The following SLC24A3 variants were observed in gnomAD, a reference collection of about 807,000 sequenced individuals.
SLC24A3 encodes sodium/potassium/calcium exchanger 3.
Under a neutral mutation model 75.8 loss-of-function variants are expected in SLC24A3, and 28 were observed. The ratio of observed to expected loss-of-function variants is 0.37; its 90% CI spans 0.27 to 0.51. The LOEUF (loss-of-function observed/expected upper bound fraction) is 0.51. Ranked by LOEUF, SLC24A3 falls within the 20% of genes least tolerant of loss-of-function variation. The pLI, the probability that SLC24A3 is intolerant of heterozygous loss-of-function variation, is 0.94. For synonymous variants in SLC24A3, 372 were observed against 334.1 expected (o/e 1.11, Z -1.24); for missense variants, 663 against 847.8 (o/e 0.78, Z 2.71).
intron 2 of SLC24A3, among the ~76,000 whole-genome samples, chr20:19,446,750 AC>A (rs1440027868): frequency 6.6e-6 from 1 of 152,228 alleles, no homozygotes; most frequent in Non-Finnish European, 1.5e-5. Flanking sequence ...ATTTAGAGTG[AC>A]TTTTGGTGAG....
chr20:19,247,634 T>G (rs182545150), intron 1 of SLC24A3, among the ~76,000 whole-genome samples: 1 of 152,190 alleles, frequency 6.6e-6, no homozygotes, highest in Non-Finnish European at 1.5e-5. Context: ...ACATGTGCCT[T>G]AGGTATAAAT....
chr20:19,595,584 A>G (rs2031442009), intron 6 of SLC24A3, among the ~76,000 whole-genome samples: 2 of 152,228 alleles, frequency 1.3e-5, no homozygotes, highest in Admixed American at 6.5e-5. Context: ...AGACACAGTC[A>G]TGAAACCGAA....
intron 6 of SLC24A3, among the ~76,000 whole-genome samples, chr20:19,641,686 AC>A (rs1049802614): frequency 1.3e-5 from 2 of 152,142 alleles, no homozygotes; most frequent in African/African-American, 4.8e-5. Context: ...TGTTAGAATT[AC>A]TGGGGGGTAT....
At chr20:19,289,921 G>A (rs1369276678) in intron 2 of SLC24A3, among the ~76,000 whole-genome samples, 1 of 152,216 alleles carries the variant, frequency 6.6e-6, no homozygotes, top group African/African-American at 2.4e-5. Context: ...CAAGGACCAG[G>A]ACTCTAAGGT....
intron 2 of SLC24A3, among the ~76,000 whole-genome samples, chr20:19,422,706 A>G (rs986613777): frequency 1.3e-5 from 2 of 152,212 alleles, no homozygotes; most frequent in African/African-American, 4.8e-5. Context: ...GGTGTTTCCA[A>G]TGAGCAGCCA....
In SLC24A3 at chr20:19,333,944, G is replaced by A. The variant is rs112439603; in HGVS notation, c.271+52857G>A. 3.0e-3 allele frequency among the ~76,000 whole-genome samples: 456 copies of A among 152,024 alleles called. 3 individuals carry two copies. Among genetic ancestry groups the A allele is most frequent in the African/African-American group, 1.0e-2 (414 of 41,444 alleles). ...GTGAAAGAAGACAAGAAAAGACATG[G>A]TTGTGCATCCTGTGAGTATACTAAA... On this transcript the variant is annotated intron_variant, in intron 2 of 16. Transcript: ENST00000328041.
At chr20:19,648,753 A>T (rs2032166916) in intron 6 of SLC24A3, among the ~76,000 whole-genome samples, 1 of 152,340 alleles carries the variant, frequency 6.6e-6, no homozygotes, top group African/African-American at 2.4e-5. Context: ...AAAAGTGTGA[A>T]TTATTTTTTG....
At chr20:19,642,233 T>A (rs1432218179) in intron 6 of SLC24A3, among the ~76,000 whole-genome samples, 1 of 152,234 alleles carries the variant, frequency 6.6e-6, no homozygotes. Context: ...GGTCTGTTCT[T>A]CCCTAGGAAT....
intron 6 of SLC24A3, among the ~76,000 whole-genome samples, chr20:19,618,996 T>C (rs775261566): frequency 1.3e-5 from 2 of 152,116 alleles, no homozygotes; most frequent in African/African-American, 2.4e-5. Flanking sequence ...AGCCCAGAGC[T>C]CCAGCCAGCT....
rs116058243 is a variant in SLC24A3, at chr20:19,258,435, G to A, written c.143-22524G>A. 2.4e-3 allele frequency among the ~76,000 whole-genome samples: 371 copies of A among 152,356 alleles called. 1 individual carries two copies. Among genetic ancestry groups the A allele is most frequent in the African/African-American group, 8.2e-3 (343 of 41,588 alleles). ...TAAACTATAATGATGGTGGGGTGCC[G>A]TGGCTCACGCCTGTAATCCTAGCAC... On this transcript the variant is annotated intron_variant, in intron 1 of 16. Transcript: ENST00000328041.
At chr20:19,325,012 G>A (rs1336538578) in intron 2 of SLC24A3, among the ~76,000 whole-genome samples, 1 of 144,706 alleles carries the variant, frequency 6.9e-6, no homozygotes, top group Non-Finnish European at 1.5e-5. Context: ...ACGGTAGATG[G>A]TAGAGCCTTT....
At chr20:19,565,463 G>T (rs1364915235) in intron 3 of SLC24A3, among the ~76,000 whole-genome samples, 1 of 152,150 alleles carries the variant, frequency 6.6e-6, no homozygotes, top group Non-Finnish European at 1.5e-5. Flanking sequence ...AAGTCCAGCT[G>T]CTTTGCCTCA....
intron 1 of SLC24A3, among the ~76,000 whole-genome samples, chr20:19,223,292 C>T (rs935270994): frequency 5.7e-5 from 3 of 52,368 alleles, no homozygotes; most frequent in South Asian, 4.4e-4. Context: ...AGCTCTGTCT[C>T]GGGGTGGTGC....
chr20:19,600,845 G>A (rs2031518554), intron 6 of SLC24A3, among the ~76,000 whole-genome samples: 1 of 152,134 alleles, frequency 6.6e-6, no homozygotes, highest in African/African-American at 2.4e-5. Context: ...TGTTTTTGTA[G>A]TGACAGGGTC....
intron 3 of SLC24A3, among the ~76,000 whole-genome samples, chr20:19,578,403 A>T (rs2031172119): frequency 6.6e-6 from 1 of 151,910 alleles, no homozygotes; most frequent in South Asian, 2.1e-4. Context: ...CTGTGGGAGC[A>T]GCATTCTTCT....
intron 6 of SLC24A3, among the ~76,000 whole-genome samples, chr20:19,653,815 G>A (rs901795418): frequency 1.3e-5 from 2 of 152,172 alleles, no homozygotes; most frequent in South Asian, 2.1e-4. Context: ...CAGCTCCCCC[G>A]ATGCCCCATT....
At chr20:19,452,104 C>T (rs912007679) in intron 2 of SLC24A3, among the ~76,000 whole-genome samples, 2 of 152,254 alleles carry the variant, frequency 1.3e-5, no homozygotes, top group Non-Finnish European at 2.9e-5. Context: ...GGAAACGTTG[C>T]GTGTGATAGA....
intron 3 of SLC24A3, among the ~76,000 whole-genome samples, chr20:19,516,185 AC>A (rs2029984179): frequency 6.6e-6 from 1 of 152,088 alleles, no homozygotes; most frequent in South Asian, 2.1e-4. Context: ...CTTACTTTCC[AC>A]CACTGCCCAG....
intron 8 of SLC24A3, among the ~76,000 whole-genome samples, chr20:19,670,024 C>T (rs2032447709): frequency 1.3e-5 from 2 of 152,068 alleles, no homozygotes; most frequent in Admixed American, 6.6e-5. Context: ...AGAAAGGGGA[C>T]CAAGGAGGGC....
Sources: gnomAD v4.1 joint callset for allele counts (sites outside exome capture counted in the v4.1 genomes callset) on GRCh38, gnomAD v4.1.1 for gene constraint, MANE v1.5 for transcripts, NCBI Gene and HGNC (gene_info 2026-07-23, HGNC 2026-07-21) for gene names.